The following RNGTT variants were observed in gnomAD, a reference collection of about 807,000 sequenced individuals.
The protein encoded by RNGTT is mRNA-capping enzyme.
In RNGTT, 33 loss-of-function variants were observed where a neutral mutation model predicts 79.3. The ratio of observed to expected loss-of-function variants is 0.42; its 90% CI spans 0.32 to 0.56. RNGTT has a LOEUF of 0.56. Ranked by LOEUF, RNGTT falls within the 20% of genes least tolerant of loss-of-function variation. RNGTT has a pLI of 0.17. For synonymous variants in RNGTT, 222 were observed against 235.9 expected, an observed-to-expected ratio of 0.94 and a Z score of 0.54; for missense variants, 497 against 739.1, an observed-to-expected ratio of 0.67 and a Z score of 3.80.
intron 2 of RNGTT, among the ~76,000 whole-genome samples, chr6:88,940,460 A>C (rs1426988079): frequency 2.0e-5 from 3 of 152,166 alleles, no homozygotes; most frequent in Non-Finnish European, 1.5e-5. Flanking sequence ...CGGGTAAAGC[A>C]CTTTGGTTAT....
intron 6 of RNGTT, among the ~76,000 whole-genome samples, chr6:88,903,146 C>T (rs1783530962): frequency 6.6e-6 from 1 of 152,186 alleles, no homozygotes; most frequent in African/African-American, 2.4e-5. Context: ...CAATTTGAAT[C>T]TAATCTTTAC....
intron 12 of RNGTT, among the ~76,000 whole-genome samples, chr6:88,779,143 G>C (rs1264386027): frequency 6.6e-6 from 1 of 152,060 alleles, no homozygotes; most frequent in Non-Finnish European, 1.5e-5. Flanking sequence ...GTAGTAAAGG[G>C]TCAAAAAAAG....
chr6:88,897,022 G>A (rs62429024), intron 6 of RNGTT, among the ~76,000 whole-genome samples: 2,133 of 152,048 alleles, frequency 0.014, 18 homozygotes, highest in Non-Finnish European at 0.019. Flanking sequence ...ATTGAGTGCC[G>A]ACAGCATTCT....
intron 13 of RNGTT, among the ~76,000 whole-genome samples, chr6:88,701,363 C>T (rs904029496): frequency 6.6e-6 from 1 of 152,016 alleles, no homozygotes; most frequent in Non-Finnish European, 1.5e-5. Flanking sequence ...AATTAAGTTT[C>T]CTGAGTAGTT....
chr6:88,963,233 G>T, intron 1 of RNGTT, 113 bp downstream of exon 1: 4 of 1,068,058 alleles, frequency 3.7e-6, no homozygotes, highest in South Asian at 1.3e-5. Context: ...AGCATATCCC[G>T]CTCCTGAAAT....
chr6:88,902,625 G>A (rs566915786), intron 6 of RNGTT, among the ~76,000 whole-genome samples: 1 of 149,638 alleles, frequency 6.7e-6, no homozygotes, highest in South Asian at 2.1e-4. Context: ...TAAGATTTTT[G>A]CATTGTCTAA....
Position 88,919,432 on chromosome 6 carries a change from T to A in RNGTT, c.367+9553A>T, listed in dbSNP as rs1784095161. ...TATAGCTATACATGTTGGGGCAGTT[T>A]ATAAAGGGGCTGGTGACAATGTATC... On this transcript the variant is annotated intron_variant, in intron 4 of 15. Coordinates refer to ENST00000369485, the MANE Select transcript of RNGTT (RefSeq NM_003800.5). Among the ~76,000 whole-genome samples the A allele has an allele frequency of 2.6e-5, 4 of 152,172 alleles. No homozygotes were observed. In the South Asian group the frequency reaches 8.3e-4, roughly 32 times the overall value.
intron 12 of RNGTT, among the ~76,000 whole-genome samples, chr6:88,786,378 A>G (rs1582459505): frequency 6.6e-6 from 1 of 152,208 alleles, no homozygotes; most frequent in African/African-American, 2.4e-5. Context: ...AAATTAAACA[A>G]TCTAATAGCT....
intron 13 of RNGTT, among the ~76,000 whole-genome samples, chr6:88,717,813 C>T (rs1776571975): frequency 6.6e-6 from 1 of 152,102 alleles, no homozygotes; most frequent in African/African-American, 2.4e-5. Context: ...GCAGCCCACC[C>T]CCACCAACCC....
At chr6:88,673,820 A>G (rs1774748832) in intron 14 of RNGTT, among the ~76,000 whole-genome samples, 1 of 152,230 alleles carries the variant, frequency 6.6e-6, no homozygotes, top group Non-Finnish European at 1.5e-5. Context: ...CACACCATGC[A>G]CACAAAAAAT....
chr6:88,652,421 G>C (rs538187602), intron 14 of RNGTT, among the ~76,000 whole-genome samples: 2 of 151,872 alleles, frequency 1.3e-5, no homozygotes, highest in South Asian at 4.2e-4. Flanking sequence ...TCACAATTTA[G>C]AAAAAAAACT....
rs886988447 is a variant in RNGTT, at chr6:88,931,543, T to TATG, written c.175-2279_175-2277dup. Among the ~76,000 whole-genome samples, 51 of 152,316 alleles carry TATG rather than the reference T, an allele frequency of 3.3e-4. 1 individual carries two copies. Among genetic ancestry groups the TATG allele is most frequent in the Admixed American group, 3.0e-3 (46 of 15,294 alleles). ...CTATTTCTAAAATGACAAAAATCAC[T>TATG]ATGATTTTTAGGTACCATGTGATGC... On this transcript the variant is annotated intron_variant, in intron 2 of 15. Transcript: ENST00000369485.
intron 4 of RNGTT, among the ~76,000 whole-genome samples, chr6:88,921,308 G>A (rs1784156675): frequency 6.6e-6 from 1 of 151,024 alleles, no homozygotes; most frequent in African/African-American, 2.4e-5. Context: ...GACATAGTGA[G>A]ACCTGGTCTT....
chr6:88,904,955 A>G lies in RNGTT; in HGVS notation c.444T>C (p.Ser148=), dbSNP rs987852882. 1 of 1,613,324 alleles carries G rather than the reference A, an allele frequency of 6.2e-7. No individual in the cohort carries two copies. The highest frequency in any genetic ancestry group is 2.2e-5 in the East Asian group (1 of 44,864). Residue 148 remains serine (S), a splice_region_variant and synonymous_variant, in exon 6 of 16, where the codon AGT becomes AGC. Transcript: ENST00000369485. ...CAFLVEKMDW[S]IEAAVATFAQ... ...CAAAAGTAGCAACTGCTGCTTCGAT[A>G]CTATAGGAAACAAACACCATGCAAT...
chr6:88,717,767 C>A (rs1177673895), intron 13 of RNGTT, among the ~76,000 whole-genome samples: 1 of 152,104 alleles, frequency 6.6e-6, no homozygotes, highest in African/African-American at 2.4e-5. Context: ...TCGACAATAA[C>A]CACTCCACTC....
intron 1 of RNGTT, among the ~76,000 whole-genome samples, chr6:88,956,608 T>C (rs1785439504): frequency 6.6e-6 from 1 of 152,078 alleles, no homozygotes; most frequent in Non-Finnish European, 1.5e-5. Flanking sequence ...TAGAGACCAA[T>C]ATCCCTGATG....
chr6:88,713,145 G>A (rs553703699), intron 13 of RNGTT, among the ~76,000 whole-genome samples: 2 of 152,256 alleles, frequency 1.3e-5, no homozygotes, highest in Admixed American at 6.5e-5. Flanking sequence ...TGGGGCCTTT[G>A]TGATGCAATT....
chr6:88,912,286 C>T (rs987863471), intron 4 of RNGTT, among the ~76,000 whole-genome samples: 2 of 151,902 alleles, frequency 1.3e-5, no homozygotes, highest in African/African-American at 4.8e-5. Context: ...GTGGCATGCA[C>T]CTGTAATCCT....
chr6:88,844,334 T>G, intron 11 of RNGTT, 23 bp downstream of exon 11: 1 of 1,600,038 alleles, frequency 6.2e-7, no homozygotes. Context: ...TTAGCACTAA[T>G]TTAAAAAAAA....
Sources: gnomAD v4.1 joint callset for allele counts (sites outside exome capture counted in the v4.1 genomes callset) on GRCh38, gnomAD v4.1.1 for gene constraint, MANE v1.5 for transcripts, NCBI Gene and HGNC (gene_info 2026-07-23, HGNC 2026-07-21) for gene names.